Variants in TFDP1 observed in about 807,000 individuals in gnomAD.
The protein encoded by TFDP1 is transcription factor Dp-1.
In TFDP1, 6 loss-of-function variants were observed where a neutral mutation model predicts 48.0. That is an observed-to-expected ratio of 0.13 (90% confidence interval 0.07 to 0.25). The LOEUF (loss-of-function observed/expected upper bound fraction) is 0.25, where lower values mean the gene tolerates loss of function less well. Ranked by LOEUF, TFDP1 falls within the 10% of genes least tolerant of loss-of-function variation. The probability of loss-of-function intolerance (pLI) is 1.00; values close to 1 mark genes in which losing one functional copy is unlikely to be tolerated. For missense variants in TFDP1, 335 were observed against 543.0 expected, an observed-to-expected ratio of 0.62 and a Z score of 3.81; for synonymous variants, 201 against 211.6, an observed-to-expected ratio of 0.95 and a Z score of 0.44.
chr13:113,625,519 CCTCAGGTGTTT>C (rs1566666858), intron 4 of TFDP1, among the ~76,000 whole-genome samples: 4 of 109,112 alleles, frequency 3.7e-5, no homozygotes, highest in African/African-American at 2.0e-4. Context: ...TCTCACGTGT[CCTCAGGTGTTT>C]CTCAGGTGTC....
chr13:113,611,742 G>C (rs1459723695), intron 3 of TFDP1, among the ~76,000 whole-genome samples: 1 of 152,248 alleles, frequency 6.6e-6, no homozygotes, highest in Non-Finnish European at 1.5e-5. Context: ...TTTGATGTGC[G>C]ATGCTTGGCC....
intron 3 of TFDP1, among the ~76,000 whole-genome samples, chr13:113,613,769 TGA>T (rs1180088682): frequency 2.6e-5 from 4 of 151,320 alleles, no homozygotes; most frequent in Non-Finnish European, 5.9e-5. Context: ...CGTGGGTGTG[TGA>T]GGAGTGCTTA....
intron 8 of TFDP1, among the ~76,000 whole-genome samples, chr13:113,634,823 A>ATGTGTGTGTGTGCG (rs2049434436): frequency 6.7e-6 from 1 of 148,704 alleles, no homozygotes; most frequent in African/African-American, 2.5e-5. Context: ...GCGTGCATGC[A>ATGTGTGTGTGTGCG]TGCATGTGTG....
Position 113,623,637 on chromosome 13 carries a change from G to A in TFDP1, c.186+351G>A, listed in dbSNP as rs575896750. Among the ~76,000 whole-genome samples, 24 of 152,296 alleles carry A rather than the reference G, an allele frequency of 1.6e-4. No homozygotes were observed. The highest frequency in any genetic ancestry group is 1.2e-3 in the South Asian group (6 of 4,826). On this transcript the variant is annotated intron_variant, in intron 4 of 11. Coordinates refer to ENST00000375370, the MANE Select transcript of TFDP1 (RefSeq NM_007111.5). This position sits in a 1 kb window ranked among gnomAD's most constrained non-coding sequence, Gnocchi z 5.2. ...TCTTCATCTAACAGGGGCTTCTTACGTGATGTGGCCGAGCGTTGGCTGTGG... is the reference window on the plus strand; with the variant it reads ...TCTTCATCTAACAGGGGCTTCTTACATGATGTGGCCGAGCGTTGGCTGTGG...
Position 113,633,547 on chromosome 13 carries a change from A to T in TFDP1, c.474+262A>T, listed in dbSNP as rs538152685. On this transcript the variant is annotated intron_variant, in intron 6 of 11. Transcript: ENST00000375370. This position sits in a 1 kb window ranked among gnomAD's most constrained non-coding sequence, Gnocchi z 4.5. The stretch of plus-strand genomic sequence containing the variant: ...GAAAATGCCAAGTACAGCATAAAAG[A>T]ATTTTTCCGATCCATTTGCTGGCAC... Among the ~76,000 whole-genome samples the T allele has an allele frequency of 2.4e-4, 36 of 152,194 alleles. No homozygotes were observed. Among genetic ancestry groups the T allele is most frequent in the Non-Finnish European group, 3.4e-4 (23 of 68,034 alleles).
rs535214255 is a variant in TFDP1, at chr13:113,626,472, G to GCCTTCCCCGCGCTC, written c.186+3198_186+3211dup. 1.2e-4 allele frequency among the ~76,000 whole-genome samples: 18 copies of GCCTTCCCCGCGCTC among 152,206 alleles called. 1 individual carries two copies. In the South Asian group the frequency reaches 3.7e-3, roughly 32 times the overall value. On this transcript the variant is annotated intron_variant, in intron 4 of 11. Transcript: ENST00000375370. ...CAGCCTTGAGGATCTGAGCAGGATT[G>GCCTTCCCCGCGCTC]CCTTCCCCGCGCTCCCTTCCCCGCG...
In TFDP1 at chr13:113,623,427, C is replaced by T. The variant is rs910212585; in HGVS notation, c.186+141C>T. The T allele has an allele frequency of 3.0e-5, 23 of 763,090 alleles. No individual in the cohort carries two copies. Among genetic ancestry groups the T allele is most frequent in the Non-Finnish European group, 4.4e-5 (21 of 474,462 alleles). The allele number at this position is 763,090 out of a possible 1,614,324, so 47.3% of individuals were successfully genotyped here. On this transcript the variant is annotated intron_variant, in intron 4 of 11. Transcript: ENST00000375370. The surrounding 1 kb of genome is among the most constrained non-coding windows in gnomAD (Gnocchi z 5.2). Reference sequence around the variant, plus strand: ...GGGGCCTTTCCCTCATCAGGGAGCCCGTGGCCAGTGCTAGATTTTCCATAG... The same window carrying T: ...GGGGCCTTTCCCTCATCAGGGAGCCTGTGGCCAGTGCTAGATTTTCCATAG...
At chr13:113,629,747 A>AAGTTCCTCGTTGTAAGTC (rs377599529) in intron 4 of TFDP1, among the ~76,000 whole-genome samples, 32 of 151,434 alleles carry the variant, frequency 2.1e-4, no homozygotes, top group African/African-American at 7.1e-4. Flanking sequence ...TGTTCCTTGT[A>AAGTTCCTCGTTGTAAGTC]AGTTCCTCGT....
At chr13:113,622,470 C>T (rs1027357903) in intron 3 of TFDP1, among the ~76,000 whole-genome samples, 6 of 152,192 alleles carry the variant, frequency 3.9e-5, no homozygotes, top group Admixed American at 3.3e-4. Context: ...CCAGGGTGCT[C>T]GCTACCACCT....
chr13:113,600,314 G>T (rs951023852), intron 2 of TFDP1, among the ~76,000 whole-genome samples: 2 of 150,226 alleles, frequency 1.3e-5, no homozygotes, highest in African/African-American at 4.9e-5. Flanking sequence ...GAGAACCCTT[G>T]CACGTAGGGC....
chr13:113,604,671 C>A (rs1594442586), intron 2 of TFDP1, among the ~76,000 whole-genome samples: 1 of 152,214 alleles, frequency 6.6e-6, no homozygotes, highest in Admixed American at 6.5e-5. Flanking sequence ...ACAGGTCCCA[C>A]TTAGCAGCCT....
rs1167059894 is a variant in TFDP1 at position 113,584,823 on chromosome 13, GC to G, written c.-128del. 1 of 146,066 alleles carries G rather than the reference GC, an allele frequency of 6.8e-6. No individual in the cohort carries two copies. Among genetic ancestry groups the G allele is most frequent in the Non-Finnish European group, 1.5e-5 (1 of 65,802 alleles). The allele number at this position is 146,066 out of a possible 1,614,324, so 9.0% of individuals were successfully genotyped here. A position where few individuals can be genotyped will look rare whatever the true frequency, so the allele number is the denominator to read the frequency against. Reference sequence around the variant, plus strand: ...CCGGCCCCAGCCCGCGCCTCTCCGCGCCGCCCCGCGCTCCGCACCGCGCCCT... The same window carrying G: ...CCGGCCCCAGCCCGCGCCTCTCCGCGCGCCCCGCGCTCCGCACCGCGCCCT... On this transcript the variant is annotated 5_prime_UTR_variant, in exon 1 of 12. Coordinates refer to ENST00000375370, the MANE Select transcript of TFDP1 (RefSeq NM_007111.5).
chr13:113,585,227 C>G lies in TFDP1; in HGVS notation c.-65+339C>G, dbSNP rs1424959914. ...GGGCGGGGGAGGGGAGGCCGCCCCACGGCGGCCCGCGGGGACCCGGTTCCG... is the reference window on the plus strand; with the variant it reads ...GGGCGGGGGAGGGGAGGCCGCCCCAGGGCGGCCCGCGGGGACCCGGTTCCG... On this transcript the variant is annotated intron_variant, in intron 1 of 11. Coordinates refer to ENST00000375370, the MANE Select transcript of TFDP1 (RefSeq NM_007111.5). 3 of 149,260 alleles carry G rather than the reference C, an allele frequency of 2.0e-5. No homozygotes were observed. The East Asian group carries it at 5.9e-4, about 29-fold the overall frequency. The allele number at this position is 149,260 out of a possible 1,614,324, so 9.2% of individuals were successfully genotyped here.
intron 2 of TFDP1, among the ~76,000 whole-genome samples, chr13:113,604,233 C>G (rs1275314839): frequency 6.6e-6 from 1 of 151,370 alleles, no homozygotes; most frequent in Non-Finnish European, 1.5e-5. Flanking sequence ...TCCTGTGGGT[C>G]ACAGCCCACA....
chr13:113,640,528 C>CT lies in TFDP1; in HGVS notation c.*264dup, dbSNP rs771113853. On this transcript the variant is annotated 3_prime_UTR_variant, in exon 12 of 12. Transcript: ENST00000375370. ...TTTTGTGTTTTCATTTGCTATTTTTCTTTAAGTGCAGAGTTCATTTTTGCC... is the reference window on the plus strand; with the variant it reads ...TTTTGTGTTTTCATTTGCTATTTTTCTTTTAAGTGCAGAGTTCATTTTTGCC... 5 of 419,236 alleles carry CT rather than the reference C, an allele frequency of 1.2e-5. 1 individual carries two copies. Among genetic ancestry groups the CT allele is most frequent in the South Asian group, 1.1e-4 (4 of 35,542 alleles). The allele number at this position is 419,236 out of a possible 1,614,324, so 26.0% of individuals were successfully genotyped here.
chr13:113,636,843 G>A (rs529736838), intron 10 of TFDP1, 143 bp downstream of exon 10: 3 of 1,049,728 alleles, frequency 2.9e-6, no homozygotes, highest in Non-Finnish European at 4.0e-6. Context: ...CAAAGGGGCT[G>A]TGAGGGGGAT....
chr13:113,606,252 A>T (rs1227730501), intron 2 of TFDP1, among the ~76,000 whole-genome samples: 1 of 152,088 alleles, frequency 6.6e-6, no homozygotes, highest in African/African-American at 2.4e-5. Flanking sequence ...GAGTGTCCGC[A>T]GGGGAGCCTG....
intron 4 of TFDP1, among the ~76,000 whole-genome samples, chr13:113,626,516 C>T (rs4150760): frequency 0.019 from 2,856 of 152,018 alleles, 95 homozygotes; most frequent in African/African-American, 0.065. Flanking sequence ...CCCTGCGCCC[C>T]GCTTCCCCGC....
At chr13:113,635,929 G>A in intron 8 of TFDP1, 48 bp from the exon 9 acceptor site, 1 of 1,589,414 alleles carries the variant, frequency 6.3e-7, no homozygotes, top group Non-Finnish European at 8.6e-7. Flanking sequence ...CACAGGGGCT[G>A]CGTTCTTGTG....
Sources: gnomAD v4.1 joint callset for allele counts (sites outside exome capture counted in the v4.1 genomes callset) on GRCh38, gnomAD v4.1.1 for gene constraint, Gnocchi (gnomAD v3.1) non-coding constraint, MANE v1.5 for transcripts, NCBI Gene and HGNC (gene_info 2026-07-23, HGNC 2026-07-21) for gene names.